The following BMP2K variants were observed in gnomAD, a reference collection of about 807,000 sequenced individuals.
BMP2K encodes the protein BMP2 inducible kinase.
In BMP2K, 74 loss-of-function variants were observed where a neutral mutation model predicts 116.0. The observed-to-expected ratio is 0.64, with a 90% CI of 0.53 to 0.77. BMP2K has a LOEUF of 0.77. BMP2K is among the 30% of genes least tolerant of loss of function. The probability of loss-of-function intolerance (pLI) is 0.00; values close to 1 mark genes in which losing one functional copy is unlikely to be tolerated. For synonymous variants in BMP2K, 486 were observed against 502.5 expected, an observed-to-expected ratio of 0.97 and a Z score of 0.44; for missense variants, 1,365 against 1,403.6, an observed-to-expected ratio of 0.97 and a Z score of 0.44.
intron 11 of BMP2K, 119 bp downstream of exon 11, chr4:78,871,179 T>C: frequency 6.8e-7 from 1 of 1,479,320 alleles, no homozygotes; most frequent in Non-Finnish European, 9.0e-7. Context: ...GTAAACACTT[T>C]CCCCAATTTT....
At position 78,776,538 on chromosome 4, in the gene BMP2K, G is replaced by A. The variant is rs1021329427; in HGVS notation, c.-6G>A. On this transcript the variant is annotated 5_prime_UTR_variant, in exon 1 of 16. Transcript: ENST00000502613. The stretch of plus-strand genomic sequence containing the variant: ...TCCCTGCGCCCTCCAGCTCGCCGGC[G>A]GGACCATGAAGAAGTTCTCTCGGAT... 2.6e-6 allele frequency: 3 copies of A among 1,145,630 alleles called. No homozygotes were observed. The highest frequency in any genetic ancestry group is 4.2e-5 in the South Asian group (1 of 23,630). The allele number at this position is 1,145,630 out of a possible 1,614,324, so 71.0% of individuals were successfully genotyped here. A position where few individuals can be genotyped will look rare whatever the true frequency, so the allele number is the denominator to read the frequency against.
chr4:78,912,290 T>C lies in BMP2K; in HGVS notation c.*257T>C. 2.6e-6 allele frequency: 1 copy of C among 384,614 alleles called. No individual in the cohort carries two copies. The highest frequency in any genetic ancestry group is 4.1e-5 in the East Asian group (1 of 24,400). The allele number at this position is 384,614 out of a possible 1,614,324, so 23.8% of individuals were successfully genotyped here. A position where few individuals can be genotyped will look rare whatever the true frequency, so the allele number is the denominator to read the frequency against. On this transcript the variant is annotated 3_prime_UTR_variant, in exon 16 of 16. Coordinates refer to ENST00000502613, the MANE Select transcript of BMP2K (RefSeq NM_198892.2). ...TGCTACTGACATCACAACACAGAAATGCAAGTGTGGTACTTCCAGTGAAAG... is the reference window on the plus strand; with the variant it reads ...TGCTACTGACATCACAACACAGAAACGCAAGTGTGGTACTTCCAGTGAAAG...
chr4:78,825,145 G>A (rs753027995), intron 1 of BMP2K, among the ~76,000 whole-genome samples: 27 of 152,070 alleles, frequency 1.8e-4, no homozygotes, highest in Non-Finnish European at 3.5e-4. Flanking sequence ...CGGAGGTTGC[G>A]GTGAGCCGAG....
intron 15 of BMP2K, among the ~76,000 whole-genome samples, chr4:78,889,403 T>C (rs1733302423): frequency 1.3e-5 from 2 of 152,100 alleles, no homozygotes; most frequent in Non-Finnish European, 2.9e-5. Context: ...AAGTGATCAC[T>C]GTGCAATATT....
At chr4:78,885,577 C>T (rs1733036823) in intron 14 of BMP2K, among the ~76,000 whole-genome samples, 1 of 152,190 alleles carries the variant, frequency 6.6e-6, no homozygotes, top group South Asian at 2.1e-4. Context: ...AATTCCAATT[C>T]TACTTGGGTT....
chr4:78,844,445 G>A (rs1296691997), intron 4 of BMP2K, among the ~76,000 whole-genome samples: 1 of 151,656 alleles, frequency 6.6e-6, no homozygotes, highest in East Asian at 1.9e-4. Flanking sequence ...AGAAATCAAA[G>A]ATGGAATTCC....
intron 1 of BMP2K, among the ~76,000 whole-genome samples, chr4:78,790,862 CAAT>C (rs1040761248): frequency 1.2e-4 from 18 of 151,878 alleles, no homozygotes; most frequent in East Asian, 1.9e-4. Flanking sequence ...GTCTAAATAA[CAAT>C]AATAATAATA....
intron 1 of BMP2K, among the ~76,000 whole-genome samples, chr4:78,803,401 C>CT: frequency 6.6e-6 from 1 of 151,632 alleles, no homozygotes; most frequent in East Asian, 1.9e-4. Context: ...CTCTTGGTTA[C>CT]TTTTTTTGGG....
intron 1 of BMP2K, among the ~76,000 whole-genome samples, chr4:78,815,494 A>G (rs972833771): frequency 6.6e-6 from 1 of 152,144 alleles, no homozygotes; most frequent in Admixed American, 6.5e-5. Flanking sequence ...AATTTGAAGT[A>G]TTTTTTAAAG....
chr4:78,877,294 A>C (rs575522345), intron 13 of BMP2K, among the ~76,000 whole-genome samples: 1 of 152,296 alleles, frequency 6.6e-6, no homozygotes, highest in South Asian at 2.1e-4. Context: ...ATAAACTTTG[A>C]AAATTTAAAA....
chr4:78,897,737 T>C (rs1340214440), intron 15 of BMP2K, among the ~76,000 whole-genome samples: 2 of 152,222 alleles, frequency 1.3e-5, no homozygotes, highest in Admixed American at 6.5e-5. Flanking sequence ...TTCTTCTACC[T>C]TCTAATTTCC....
chr4:78,814,797 T>G (rs1204231088), intron 1 of BMP2K, among the ~76,000 whole-genome samples: 1 of 152,104 alleles, frequency 6.6e-6, no homozygotes, highest in Non-Finnish European at 1.5e-5. Flanking sequence ...ACAGATTTTT[T>G]CCCTTTCATA....
intron 1 of BMP2K, among the ~76,000 whole-genome samples, chr4:78,824,671 A>G (rs998948280): frequency 6.6e-6 from 1 of 152,126 alleles, no homozygotes. Flanking sequence ...TTCCTTTTAC[A>G]ACTCTGTATT....
chr4:78,835,339 T>C (rs1404331191), intron 3 of BMP2K, among the ~76,000 whole-genome samples: 1 of 152,078 alleles, frequency 6.6e-6, no homozygotes, highest in Non-Finnish European at 1.5e-5. Context: ...AAAAGTCAAA[T>C]AGTTGGCCTG....
intron 10 of BMP2K, among the ~76,000 whole-genome samples, chr4:78,867,339 A>G (rs1459809150): frequency 1.3e-5 from 2 of 152,138 alleles, no homozygotes; most frequent in Non-Finnish European, 2.9e-5. Context: ...CTGTTCAGAC[A>G]TGATTTTGGA....
chr4:78,804,143 T>TCA (rs1445198793), intron 1 of BMP2K, among the ~76,000 whole-genome samples: 1 of 152,178 alleles, frequency 6.6e-6, no homozygotes, highest in African/African-American at 2.4e-5. Context: ...CCCCAAACTC[T>TCA]TGTAATCACT....
In BMP2K at chr4:78,912,645, A is replaced by G. The variant is rs1734709169; in HGVS notation, c.*612A>G. ...TAAAAACAAGTGCCATTAAAATGGA[A>G]TATCTAATGATAAGCATATGAAATA... On this transcript the variant is annotated 3_prime_UTR_variant, in exon 16 of 16. Coordinates refer to ENST00000502613, the MANE Select transcript of BMP2K (RefSeq NM_198892.2). The G allele has an allele frequency of 1.3e-5, 2 of 152,236 alleles. No homozygotes were observed. The highest frequency in any genetic ancestry group is 4.8e-5 in the African/African-American group (2 of 41,454). 9.4% of individuals were successfully genotyped at this position (152,236 alleles called of 1,614,324 possible).
rs112302359 is a variant in BMP2K at position 78,801,344 on chromosome 4, CTGTGTGTGTGTG to C, written c.178+24651_179-24654del. On this transcript the variant is annotated intron_variant, in intron 1 of 15. Transcript: ENST00000502613. ...TTTATTGCCTGGATGGTTGAAGTAGCTGTGTGTGTGTGTGTGTGTGTGTGTGTGTGTGTGTGT... is the reference window on the plus strand; with the variant it reads ...TTTATTGCCTGGATGGTTGAAGTAGCTGTGTGTGTGTGTGTGTGTGTGTGT... Among the ~76,000 whole-genome samples the C allele has an allele frequency of 9.8e-5, 14 of 143,298 alleles. No individual in the cohort carries two copies. The East Asian group carries it at 1.0e-3, about 10-fold the overall frequency. 94.0% of individuals were successfully genotyped at this position (143,298 alleles called of 152,430 possible). A position where few individuals can be genotyped will look rare whatever the true frequency, so the allele number is the denominator to read the frequency against.
Position 78,872,760 on chromosome 4 carries a change from G to T in BMP2K, c.1755G>T (p.Gln585His). 8 of 1,613,994 alleles carry T rather than the reference G, an allele frequency of 5.0e-6. No homozygotes were observed. Among genetic ancestry groups the T allele is most frequent in the Non-Finnish European group, 6.8e-6 (8 of 1,179,948 alleles). The change falls in exon 13 of 16, where the codon CAG becomes CAT. Residue 585 changes from glutamine to histidine, a missense_variant. This residue lies in a region of BMP2K where 762 missense variants were observed against 756.7 expected (regional missense o/e 1.01). Coordinates refer to ENST00000502613, the MANE Select transcript of BMP2K (RefSeq NM_198892.2). ...LVSYTSSLPA[Q>H]VGTIMDSSYS... is the part of the protein sequence containing the mutation. ...CCTACACTTCATCACTTCCAGCTCA[G>T]GTTGGAACCATAATGGACTCCTCCT... is the stretch of plus-strand genomic sequence containing the variant.
Sources: gnomAD v4.1 joint callset for allele counts (sites outside exome capture counted in the v4.1 genomes callset) on GRCh38, gnomAD v4.1.1 for gene constraint, gnomAD v4.1.1 regional missense constraint, MANE v1.5 for transcripts, NCBI Gene and HGNC (gene_info 2026-07-23, HGNC 2026-07-21) for gene names.